Variants in DIAPH2 observed in about 807,000 individuals in gnomAD.
DIAPH2 encodes the protein diaphanous related formin 2.
Under a neutral mutation model 92.7 loss-of-function variants are expected in DIAPH2, and 35 were observed. The ratio of observed to expected loss-of-function variants is 0.38; its 90% CI spans 0.29 to 0.50. The LOEUF (loss-of-function observed/expected upper bound fraction) is 0.50. Ranked by LOEUF, DIAPH2 falls within the 20% of genes least tolerant of loss-of-function variation. The pLI is 0.94. For synonymous variants in DIAPH2, 301 were observed against 280.4 expected (o/e 1.07, Z -0.73); for missense variants, 701 against 819.5 (o/e 0.86, Z 1.77).
intron 23 of DIAPH2, among the ~76,000 whole-genome samples, chrX:97,347,085 C>CTTT (rs763682802): frequency 2.9e-4 from 26 of 91,222 alleles, no homozygotes; most frequent in African/African-American, 7.4e-4. Flanking sequence ...ACTATAACCT[C>CTTT]TTTTTTTTTT....
chrX:97,027,395 A>G (rs1419676639), intron 17 of DIAPH2, among the ~76,000 whole-genome samples: 1 of 112,311 alleles, frequency 8.9e-6, no homozygotes, highest in Non-Finnish European at 1.9e-5. Flanking sequence ...TTGTGTTACA[A>G]CTGTAAGCAC....
At chrX:97,055,055 G>A (rs1191028058) in intron 17 of DIAPH2, among the ~76,000 whole-genome samples, 3 of 104,809 alleles carry the variant, frequency 2.9e-5, no homozygotes, top group East Asian at 3.0e-4. Context: ...TAGCGACAGG[G>A]TCTTATTCCG....
At chrX:97,364,458 T>G (rs1226685060) in intron 24 of DIAPH2, among the ~76,000 whole-genome samples, 4 of 111,897 alleles carry the variant, frequency 3.6e-5, no homozygotes, top group African/African-American at 1.3e-4. Context: ...TTTTTATATA[T>G]TGTCCCTTAG....
chrX:97,001,590 G>C (rs188598063), intron 17 of DIAPH2, among the ~76,000 whole-genome samples: 4 of 111,147 alleles, frequency 3.6e-5, no homozygotes, highest in Non-Finnish European at 7.5e-5. Context: ...AGGTTGCAGC[G>C]AGCCTAGATC....
At chrX:97,227,743 G>A (rs906007922) in intron 22 of DIAPH2, among the ~76,000 whole-genome samples, 1 of 111,645 alleles carries the variant, frequency 9.0e-6, no homozygotes, top group Non-Finnish European at 1.9e-5. Context: ...GATTTTTTTA[G>A]ATCATATAAG....
At position 97,386,730 on chromosome X, in the gene DIAPH2, G is replaced by A. The variant is rs1371566713; in HGVS notation, c.3145+2686G>A. ...CCTTTATGTGCAGGGAGGAGTAGTC[G>A]GAGAAGAGGCCAGAAGAGATAGTAG... On this transcript the variant is annotated intron_variant, in intron 25 of 26. Coordinates refer to ENST00000324765, the MANE Select transcript of DIAPH2 (RefSeq NM_006729.5). 5.5e-5 allele frequency among the ~76,000 whole-genome samples: 6 copies of A among 108,588 alleles called. 1 individual carries two copies. Among genetic ancestry groups the A allele is most frequent in the East Asian group, 2.9e-4 (1 of 3,470 alleles). The allele number at this position is 108,588 out of a possible 115,157, so 94.3% of individuals were successfully genotyped here.
intron 17 of DIAPH2, among the ~76,000 whole-genome samples, chrX:97,064,479 G>A (rs911122937): frequency 3.6e-5 from 4 of 109,845 alleles, no homozygotes; most frequent in African/African-American, 1.3e-4. Flanking sequence ...TTATATGGCT[G>A]GACTAGATAA....
intron 17 of DIAPH2, among the ~76,000 whole-genome samples, chrX:96,995,396 A>G (rs1254496064): frequency 1.8e-5 from 2 of 111,749 alleles, no homozygotes; most frequent in South Asian, 3.8e-4. Context: ...GTTAAATCCT[A>G]TTGAATATGA....
At position 97,603,961 on chromosome X, in the gene DIAPH2, T is replaced by A. The variant is rs2071608079; in HGVS notation, c.*4644T>A. 1 of 112,558 alleles carries A rather than the reference T, an allele frequency of 8.9e-6. No homozygotes were observed. Among genetic ancestry groups the A allele is most frequent in the African/African-American group, 3.2e-5 (1 of 30,936 alleles). 9.3% of individuals were successfully genotyped at this position (112,558 alleles called of 1,213,427 possible). On this transcript the variant is annotated 3_prime_UTR_variant, in exon 27 of 27. Transcript: ENST00000324765. ...TACAGAAGTACCCAATCCGTCCCAG[T>A]TCCACAATCTGCATTAGATTCCCAT...
intron 25 of DIAPH2, among the ~76,000 whole-genome samples, chrX:97,398,143 A>G (rs1159917606): frequency 3.6e-5 from 4 of 112,453 alleles, no homozygotes; most frequent in African/African-American, 1.3e-4. Flanking sequence ...GTGTTTTAAA[A>G]AGATGCTTAA....
chrX:97,294,400 C>T (rs776527015), intron 23 of DIAPH2, among the ~76,000 whole-genome samples: 14 of 112,326 alleles, frequency 1.2e-4, no homozygotes, highest in Non-Finnish European at 2.1e-4. Flanking sequence ...GAGGAAGTGA[C>T]TTACATCTGT....
At chrX:97,053,843 G>A (rs1160999345) in intron 17 of DIAPH2, among the ~76,000 whole-genome samples, 1 of 111,905 alleles carries the variant, frequency 8.9e-6, no homozygotes. Context: ...GTGGATATAT[G>A]TGATTTTTGA....
intron 26 of DIAPH2, among the ~76,000 whole-genome samples, chrX:97,544,709 C>G (rs143720759): frequency 1.1e-4 from 12 of 111,932 alleles, no homozygotes; most frequent in African/African-American, 3.9e-4. Flanking sequence ...ACTGTACAGA[C>G]TACCAGAGCT....
Position 96,939,394 on chromosome X carries a change from T to G in DIAPH2, c.1325+12T>G, listed in dbSNP as rs769435829. 1 of 752,121 alleles carries G rather than the reference T, an allele frequency of 1.3e-6. No homozygotes were observed. Among genetic ancestry groups the G allele is most frequent in the Non-Finnish European group, 2.0e-6 (1 of 498,275 alleles). 62.0% of individuals were successfully genotyped at this position (752,121 alleles called of 1,213,427 possible). A position where few individuals can be genotyped will look rare whatever the true frequency, so the allele number is the denominator to read the frequency against. Reference sequence around the variant, plus strand: ...GATTATTATATCAGGTAAGAGGCAGTTCTGAGAGTACTATATTTATAATTT... The same window carrying G: ...GATTATTATATCAGGTAAGAGGCAGGTCTGAGAGTACTATATTTATAATTT... On this transcript the variant is annotated intron_variant, in intron 12 of 26. Transcript: ENST00000324765.
At chrX:96,826,271 G>A (rs971121719) in intron 4 of DIAPH2, among the ~76,000 whole-genome samples, 10 of 110,154 alleles carry the variant, frequency 9.1e-5, no homozygotes, top group Non-Finnish European at 1.9e-4. Context: ...ACAAAAATTA[G>A]CCAGGCGTGG....
intron 17 of DIAPH2, among the ~76,000 whole-genome samples, chrX:96,981,685 C>T (rs773070090): frequency 1.7e-3 from 193 of 111,670 alleles, no homozygotes; most frequent in African/African-American, 6.1e-3. Context: ...AGGGTGATTC[C>T]GTAGCCTACA....
chrX:97,588,996 A>AATATATATATATATAT (rs199558439), intron 26 of DIAPH2, among the ~76,000 whole-genome samples: 3,927 of 31,531 alleles, frequency 0.12, 742 homozygotes, highest in Non-Finnish European at 0.19. Context: ...ATATTATAGA[A>AATATATATATATATAT]ATATATATAT....
intron 25 of DIAPH2, among the ~76,000 whole-genome samples, chrX:97,387,718 T>C (rs2069615711): frequency 8.9e-6 from 1 of 111,939 alleles, no homozygotes; most frequent in Admixed American, 9.5e-5. Context: ...CCAGCCAAGT[T>C]GACATATAAA....
chrX:97,525,414 G>T (rs756582113), intron 26 of DIAPH2, among the ~76,000 whole-genome samples: 5 of 112,133 alleles, frequency 4.5e-5, no homozygotes, highest in African/African-American at 9.7e-5. Flanking sequence ...ATCACCGGGG[G>T]GCTATGAATA....
Sources: gnomAD v4.1 joint callset for allele counts (sites outside exome capture counted in the v4.1 genomes callset) on GRCh38, gnomAD v4.1.1 for gene constraint, MANE v1.5 for transcripts, NCBI Gene and HGNC (gene_info 2026-07-23, HGNC 2026-07-21) for gene names.